Variants in SNX9 observed in about 807,000 individuals in gnomAD.
The protein encoded by SNX9 is sorting nexin-9.
SNX9 carries 44 observed loss-of-function variants against 89.4 expected under a neutral mutation model. The ratio of observed to expected loss-of-function variants is 0.49; its 90% CI spans 0.39 to 0.63. The LOEUF is 0.63. Ranked by LOEUF, SNX9 falls within the 30% of genes least tolerant of loss-of-function variation. SNX9 has a pLI of 0.00. For missense variants in SNX9, 578 were observed against 736.1 expected, an observed-to-expected ratio of 0.79 and a Z score of 2.49; for synonymous variants, 236 against 247.8, an observed-to-expected ratio of 0.95 and a Z score of 0.45.
At chr6:157,906,660 A>G (rs1783223722) in intron 7 of SNX9, among the ~76,000 whole-genome samples, 1 of 152,340 alleles carries the variant, frequency 6.6e-6, no homozygotes, top group South Asian at 2.1e-4. Flanking sequence ...CCAGCTGTCA[A>G]ATTGAGATAA....
rs987493086 is a variant in SNX9 at position 157,823,933 on chromosome 6, C to G, written c.12+487C>G. ...TCGGCGGAGAGGACGCGGCGCTTCC[C>G]GTCCCGGCCTGCGGGGGCTCGCGGC... is the stretch of plus-strand genomic sequence containing the variant. On this transcript the variant is annotated intron_variant, in intron 1 of 17. Transcript: ENST00000392185. This position sits in a 1 kb window ranked among gnomAD's most constrained non-coding sequence, Gnocchi z 4.6. Among the ~76,000 whole-genome samples, 1 of 152,086 alleles carries G rather than the reference C, an allele frequency of 6.6e-6. No individual in the cohort carries two copies. The highest frequency in any genetic ancestry group is 2.4e-5 in the African/African-American group (1 of 41,420).
chr6:157,843,804 G>A (rs1341462596), intron 1 of SNX9, among the ~76,000 whole-genome samples: 1 of 148,904 alleles, frequency 6.7e-6, no homozygotes, highest in East Asian at 2.0e-4. Flanking sequence ...AGCTTAAATA[G>A]TTTGAAGACA....
chr6:157,905,243 G>T, intron 6 of SNX9, among the ~76,000 whole-genome samples: 1 of 152,166 alleles, frequency 6.6e-6, no homozygotes, highest in Admixed American at 6.5e-5. Flanking sequence ...GAAGACACGG[G>T]CCCCTGAGAG....
intron 6 of SNX9, among the ~76,000 whole-genome samples, chr6:157,902,855 A>G (rs1440165379): frequency 6.6e-6 from 1 of 151,828 alleles, no homozygotes; most frequent in African/African-American, 2.4e-5. Flanking sequence ...TTTAGTAGAG[A>G]CGAGGTTTTA....
At chr6:157,867,516 A>T (rs547927608) in intron 1 of SNX9, 31 bp from the exon 2 acceptor site, 1 of 1,576,330 alleles carries the variant, frequency 6.3e-7, no homozygotes, top group Admixed American at 1.7e-5. Flanking sequence ...TTGTGTTTGT[A>T]ACATCCTCTT....
At chr6:157,938,584 G>T in intron 15 of SNX9, 49 bp from the exon 16 acceptor site, 1 of 1,224,684 alleles carries the variant, frequency 8.2e-7, no homozygotes, top group South Asian at 1.2e-5. Flanking sequence ...TTAAACTAAT[G>T]ACTAATCATT....
intron 7 of SNX9, among the ~76,000 whole-genome samples, chr6:157,907,879 C>T (rs1463497109): frequency 6.6e-6 from 1 of 152,246 alleles, no homozygotes; most frequent in Admixed American, 6.5e-5. Flanking sequence ...TTGCTGCTCT[C>T]GGCCCACTCA....
intron 12 of SNX9, among the ~76,000 whole-genome samples, chr6:157,930,102 T>G (rs1479580609): frequency 1.3e-5 from 2 of 152,188 alleles, no homozygotes; most frequent in Admixed American, 1.3e-4. Context: ...AGAGGAAGTT[T>G]GCCAGGCCCT....
chr6:157,943,815 C>G lies in SNX9; in HGVS notation c.*977C>G, dbSNP rs575683362. 18 of 152,256 alleles carry G rather than the reference C, an allele frequency of 1.2e-4. 1 individual carries two copies. The highest frequency in any genetic ancestry group is 4.1e-4 in the African/African-American group (17 of 41,516). 9.4% of individuals were successfully genotyped at this position (152,256 alleles called of 1,614,324 possible). A position where few individuals can be genotyped will look rare whatever the true frequency, so the allele number is the denominator to read the frequency against. ...ACCGTGATGAGAAGCGCTGCTGTGG[C>G]CACGGCACACTGCTTGGCTTGGGTG... On this transcript the variant is annotated 3_prime_UTR_variant, in exon 18 of 18. Transcript: ENST00000392185.
chr6:157,883,948 T>C (rs1562604511), intron 4 of SNX9, among the ~76,000 whole-genome samples: 1 of 152,274 alleles, frequency 6.6e-6, no homozygotes, highest in South Asian at 2.1e-4. Context: ...CTTTGTACCA[T>C]AATACTCTGT....
At chr6:157,915,871 T>C (rs1385730586) in intron 9 of SNX9, among the ~76,000 whole-genome samples, 4 of 150,418 alleles carry the variant, frequency 2.7e-5, no homozygotes, top group South Asian at 2.1e-4. Context: ...GAGAGTTGTA[T>C]TGTAAATGGT....
intron 13 of SNX9, among the ~76,000 whole-genome samples, chr6:157,933,429 G>A (rs547847401): frequency 6.6e-6 from 1 of 152,294 alleles, no homozygotes; most frequent in Non-Finnish European, 1.5e-5. Flanking sequence ...TTTGGATGTC[G>A]GTTTCTGAAT....
At chr6:157,863,445 A>T (rs549246757) in intron 1 of SNX9, among the ~76,000 whole-genome samples, 23 of 152,376 alleles carry the variant, frequency 1.5e-4, no homozygotes, top group Non-Finnish European at 2.5e-4. Context: ...GTAGCCATTC[A>T]TGTCATCTGT....
chr6:157,868,841 G>A (rs1342358666), intron 2 of SNX9, among the ~76,000 whole-genome samples: 3 of 152,296 alleles, frequency 2.0e-5, no homozygotes, highest in South Asian at 4.1e-4. Context: ...TGAACCCATC[G>A]TTACCTGCTT....
intron 5 of SNX9, among the ~76,000 whole-genome samples, chr6:157,898,793 G>A (rs1783032777): frequency 6.6e-6 from 1 of 152,234 alleles, no homozygotes; most frequent in Admixed American, 6.5e-5. Context: ...TAAACAGCAA[G>A]GACCTCACTT....
intron 1 of SNX9, among the ~76,000 whole-genome samples, chr6:157,834,507 G>C (rs550734429): frequency 1.4e-5 from 2 of 144,648 alleles, no homozygotes; most frequent in African/African-American, 5.4e-5. Flanking sequence ...CCACCCCCCC[G>C]GCCAATTTTT....
At chr6:157,914,525 G>A (rs1783422820) in intron 9 of SNX9, among the ~76,000 whole-genome samples, 1 of 124,324 alleles carries the variant, frequency 8.0e-6, no homozygotes, top group Non-Finnish European at 1.6e-5. Context: ...CGCCCAGGCT[G>A]GAGTGCAGTG....
At chr6:157,878,154 AGTTGCTGGTGTCAAGGCAGT>A (rs1782554445) in intron 4 of SNX9, among the ~76,000 whole-genome samples, 1 of 152,120 alleles carries the variant, frequency 6.6e-6, no homozygotes. Context: ...AGGTGAGCAG[AGTTGCTGGTGTCAAGGCAGT>A]GTTGCTGCAT....
intron 4 of SNX9, among the ~76,000 whole-genome samples, chr6:157,889,102 T>G (rs895737399): frequency 2.6e-5 from 4 of 152,084 alleles, no homozygotes; most frequent in African/African-American, 9.7e-5. Flanking sequence ...TGTCTGCAGT[T>G]GAGAGACCAA....
Sources: allele counts gnomAD v4.1 joint callset (sites outside exome capture counted in the v4.1 genomes callset), GRCh38; gene constraint gnomAD v4.1.1; non-coding constraint Gnocchi (gnomAD v3.1); transcripts MANE v1.5; gene names NCBI Gene and HGNC (gene_info 2026-07-23, HGNC 2026-07-21).